The following MUSK variants were observed in gnomAD, a reference collection of about 807,000 sequenced individuals.
MUSK encodes muscle associated receptor tyrosine kinase, also known as muscle, skeletal receptor tyrosine-protein kinase.
Under a neutral mutation model 88.7 loss-of-function variants are expected in MUSK, and 55 were observed. The ratio of observed to expected loss-of-function variants is 0.62; its 90% CI spans 0.50 to 0.78. MUSK has a LOEUF of 0.78. MUSK is among the 30% of genes least tolerant of loss of function. The pLI is 0.00. For missense variants in MUSK, 1,015 were observed against 1,074.3 expected, an observed-to-expected ratio of 0.94 and a Z score of 0.77; for synonymous variants, 387 against 391.9, an observed-to-expected ratio of 0.99 and a Z score of 0.15.
chr9:110,679,395 A>G (rs927105312), intron 1 of MUSK, among the ~76,000 whole-genome samples: 6 of 151,560 alleles, frequency 4.0e-5, no homozygotes, highest in Admixed American at 6.6e-5. Flanking sequence ...TTGCTATGTC[A>G]CTTTCTTTGG....
chr9:110,671,528 AAATT>A (rs1397817817), intron 1 of MUSK, among the ~76,000 whole-genome samples: 4 of 152,178 alleles, frequency 2.6e-5, no homozygotes, highest in Non-Finnish European at 4.4e-5. Flanking sequence ...TTTTTGATAA[AAATT>A]AATATCCAAC....
chr9:110,725,834 T>C (rs1386877490), intron 5 of MUSK, among the ~76,000 whole-genome samples: 1 of 151,982 alleles, frequency 6.6e-6, no homozygotes, highest in Non-Finnish European at 1.5e-5. Flanking sequence ...AATTTAGTAA[T>C]TAAATGGGAA....
chr9:110,758,480 G>A (rs1254845886), intron 7 of MUSK, among the ~76,000 whole-genome samples: 1 of 152,186 alleles, frequency 6.6e-6, no homozygotes, highest in African/African-American at 2.4e-5. Flanking sequence ...ATGGGCAAAA[G>A]CTGGAAGTAT....
intron 11 of MUSK, among the ~76,000 whole-genome samples, chr9:110,783,574 T>C (rs1481484674): frequency 1.3e-5 from 2 of 152,090 alleles, no homozygotes; most frequent in Non-Finnish European, 1.5e-5. Context: ...GTACCTTTTC[T>C]CTTTAATTAA....
chr9:110,778,506 A>G (rs932409136), intron 11 of MUSK, among the ~76,000 whole-genome samples: 5 of 152,102 alleles, frequency 3.3e-5, no homozygotes, highest in African/African-American at 7.2e-5. Context: ...AAAGGACCCA[A>G]TGAATGTACC....
In MUSK at chr9:110,681,053, T is replaced by C. The variant is rs933519810; in HGVS notation, c.80-1621T>C. 5.5e-5 allele frequency among the ~76,000 whole-genome samples: 2 copies of C among 36,368 alleles called. 1 individual carries two copies. Among genetic ancestry groups the C allele is most frequent in the South Asian group, 1.1e-3 (2 of 1,888 alleles). 23.9% of individuals were successfully genotyped at this position (36,368 alleles called of 152,430 possible). On this transcript the variant is annotated intron_variant, in intron 1 of 14. Coordinates refer to ENST00000374448, the MANE Select transcript of MUSK (RefSeq NM_005592.4). ...ATTATATATTATATAATATATATTA[T>C]ATATTATATATATAATATTATATAT...
chr9:110,763,571 G>A lies in MUSK; in HGVS notation c.920+1363G>A, dbSNP rs893689941. Among the ~76,000 whole-genome samples, 6 of 152,312 alleles carry A rather than the reference G, an allele frequency of 3.9e-5. No homozygotes were observed. In the East Asian group the frequency reaches 1.2e-3, roughly 29 times the overall value. ...AATAGAAACAGTTCCCGTTTGCTTT[G>A]AAGGTTGGAAGTAGCACAGAATCTG... On this transcript the variant is annotated intron_variant, in intron 8 of 14. Transcript: ENST00000374448.
At chr9:110,785,822 A>G (rs1464892841) in intron 13 of MUSK, 104 bp downstream of exon 13, 6 of 613,962 alleles carry the variant, frequency 9.8e-6, no homozygotes, top group Non-Finnish European at 1.3e-5. Context: ...TTATATATAT[A>G]TACACACACA....
intron 7 of MUSK, among the ~76,000 whole-genome samples, chr9:110,753,489 AC>A (rs1210733004): frequency 2.0e-5 from 3 of 151,856 alleles, no homozygotes; most frequent in Non-Finnish European, 4.4e-5. Flanking sequence ...GAAATAAAAT[AC>A]ATATTTGTAT....
chr9:110,804,449 T>C lies in MUSK; in HGVS notation c.*3461T>C, dbSNP rs918129810. ...GTTTTTTAGAAATCTTTTGTCTCTT[T>C]GGTTATAGAAAAAGAGAACCTCTTT... On this transcript the variant is annotated 3_prime_UTR_variant, in exon 15 of 15. Coordinates refer to ENST00000374448, the MANE Select transcript of MUSK (RefSeq NM_005592.4). Among the ~76,000 whole-genome samples, 2 of 152,108 alleles carry C rather than the reference T, an allele frequency of 1.3e-5. No individual in the cohort carries two copies. The highest frequency in any genetic ancestry group is 4.8e-5 in the African/African-American group (2 of 41,460).
Position 110,806,108 on chromosome 9 carries a change from C to T in MUSK, c.*5120C>T, listed in dbSNP as rs1554758058. ...CCCAGCCTAAGTGCTAACCACTTCA[C>T]CCATTTATAGTGTTAGTTCTTCTGG... On this transcript the variant is annotated 3_prime_UTR_variant, in exon 15 of 15. Transcript: ENST00000374448. Among the ~76,000 whole-genome samples, 1 of 152,064 alleles carries T rather than the reference C, an allele frequency of 6.6e-6. No individual in the cohort carries two copies. The highest frequency in any genetic ancestry group is 1.5e-5 in the Non-Finnish European group (1 of 67,978).
chr9:110,723,234 T>TATAC (rs1554744129), intron 5 of MUSK, among the ~76,000 whole-genome samples: 3 of 146,776 alleles, frequency 2.0e-5, no homozygotes, highest in Non-Finnish European at 3.0e-5. Context: ...TACATATACA[T>TATAC]ACACACACAC....
chr9:110,769,910 C>A (rs536797909), intron 9 of MUSK, among the ~76,000 whole-genome samples: 1 of 152,012 alleles, frequency 6.6e-6, no homozygotes, highest in African/African-American at 2.4e-5. Flanking sequence ...TAGAAAAATT[C>A]TCTGTGTGTG....
At chr9:110,758,877 A>G in intron 7 of MUSK, among the ~76,000 whole-genome samples, 1 of 152,222 alleles carries the variant, frequency 6.6e-6, no homozygotes, top group Non-Finnish European at 1.5e-5. Flanking sequence ...CTCTGCAATA[A>G]GAATTACAAA....
At chr9:110,784,481 T>A (rs2132021294) in intron 11 of MUSK, among the ~76,000 whole-genome samples, 1 of 152,292 alleles carries the variant, frequency 6.6e-6, no homozygotes, top group East Asian at 1.9e-4. Flanking sequence ...TCAAGTGTAA[T>A]TATGTGAAAA....
intron 7 of MUSK, among the ~76,000 whole-genome samples, chr9:110,761,659 C>T (rs191329336): frequency 6.6e-4 from 99 of 149,400 alleles, no homozygotes; most frequent in African/African-American, 2.3e-3. Context: ...CTGCAGGCTC[C>T]GCCCCCCGGG....
At chr9:110,676,476 G>T (rs1213400998) in intron 1 of MUSK, among the ~76,000 whole-genome samples, 2 of 151,636 alleles carry the variant, frequency 1.3e-5, no homozygotes, top group East Asian at 3.9e-4. Context: ...ATGGTGGTTT[G>T]CTGCACCTGT....
chr9:110,779,396 A>G (rs531518304), intron 11 of MUSK, among the ~76,000 whole-genome samples: 88 of 152,234 alleles, frequency 5.8e-4, no homozygotes, highest in Non-Finnish European at 9.9e-4. Flanking sequence ...TCTTTGATTT[A>G]TTTATAATCT....
chr9:110,785,572 A>C lies in MUSK; in HGVS notation c.1632A>C (p.Leu544Phe). Residue 544 changes from leucine to phenylalanine, a missense_variant, in exon 13 of 15, where the codon TTA becomes TTC. Leu to Phe is a conservative substitution (Grantham distance 22, BLOSUM62 0). Transcript: ENST00000374448. Reference protein sequence around the residue: ...VTLTTLPSELLLDRLHPNPMY... With the variant: ...VTLTTLPSELFLDRLHPNPMY... Reference sequence around the variant, plus strand: ...TCACCACACTGCCTTCTGAGCTCTTACTAGATAGACTTCATCCCAACCCCA... The same window carrying C: ...TCACCACACTGCCTTCTGAGCTCTTCCTAGATAGACTTCATCCCAACCCCA... 1 of 1,613,080 alleles carries C rather than the reference A, an allele frequency of 6.2e-7. No individual in the cohort carries two copies.
Sources: allele counts gnomAD v4.1 joint callset (sites outside exome capture counted in the v4.1 genomes callset), GRCh38; gene constraint gnomAD v4.1.1; transcripts MANE v1.5; gene names NCBI Gene and HGNC (gene_info 2026-07-23, HGNC 2026-07-21).